COL25A1: variants seen among roughly 807,000 people sequenced by gnomAD.
COL25A1 encodes the protein collagen type XXV alpha 1 chain, also known as collagen alpha-1(XXV) chain.
In COL25A1, 103 loss-of-function variants were observed where a neutral mutation model predicts 128.4. The observed-to-expected ratio is 0.80, with a 90% confidence interval of 0.68 to 0.94. The LOEUF is 0.94. COL25A1 is among the 40% of genes least tolerant of loss of function. The probability of loss-of-function intolerance (pLI) is 0.00; values close to 1 mark genes in which losing one functional copy is unlikely to be tolerated. For missense variants in COL25A1, 745 were observed against 840.0 expected (o/e 0.89, Z 1.40); for synonymous variants, 279 against 277.2 (o/e 1.01, Z -0.06).
At chr4:109,041,412 G>T (rs1278385448) in intron 5 of COL25A1, among the ~76,000 whole-genome samples, 1 of 151,698 alleles carries the variant, frequency 6.6e-6, no homozygotes, top group Non-Finnish European at 1.5e-5. Context: ...TTCTGTTCTA[G>T]GTTTCTAGTG....
At chr4:109,135,024 C>CA (rs574984369) in intron 3 of COL25A1, among the ~76,000 whole-genome samples, 8,714 of 100,418 alleles carry the variant, frequency 0.087, 542 homozygotes, top group Admixed American at 0.23. Flanking sequence ...ACTTTTCTGT[C>CA]AAAAAAAAAA....
intron 6 of COL25A1, among the ~76,000 whole-genome samples, chr4:108,989,982 G>A (rs1754013308): frequency 6.6e-6 from 1 of 151,792 alleles, no homozygotes; most frequent in South Asian, 2.1e-4. Context: ...GGATGCCAAG[G>A]CAGGTGGATC....
intron 3 of COL25A1, among the ~76,000 whole-genome samples, chr4:109,235,384 G>A (rs1779405602): frequency 6.6e-6 from 1 of 152,096 alleles, no homozygotes; most frequent in Non-Finnish European, 1.5e-5. Context: ...ACTTGGATGT[G>A]CAGGGCTATG....
intron 3 of COL25A1, among the ~76,000 whole-genome samples, chr4:109,070,217 C>T (rs1328786711): frequency 1.3e-5 from 2 of 151,084 alleles, no homozygotes; most frequent in Non-Finnish European, 3.0e-5. Context: ...GAGATCATTC[C>T]AGCCTGGGAG....
chr4:108,980,695 C>T (rs990598330), intron 6 of COL25A1, among the ~76,000 whole-genome samples: 2 of 152,174 alleles, frequency 1.3e-5, no homozygotes, highest in Admixed American at 6.5e-5. Flanking sequence ...ATAGAGGAAA[C>T]CTTTATCACA....
intron 6 of COL25A1, among the ~76,000 whole-genome samples, chr4:108,988,523 GCA>G (rs1339633137): frequency 6.6e-6 from 1 of 152,162 alleles, no homozygotes; most frequent in East Asian, 1.9e-4. Context: ...TAAAAACTTT[GCA>G]CAGTCTCCTG....
At chr4:109,087,887 A>G (rs1764554262) in intron 3 of COL25A1, among the ~76,000 whole-genome samples, 1 of 152,026 alleles carries the variant, frequency 6.6e-6, no homozygotes, top group Admixed American at 6.6e-5. Context: ...TATTATTTAA[A>G]CCTCATTCTA....
intron 3 of COL25A1, among the ~76,000 whole-genome samples, chr4:109,186,396 A>G (rs900607876): frequency 8.5e-5 from 13 of 152,204 alleles, no homozygotes; most frequent in Non-Finnish European, 1.5e-4. Context: ...TAAACAAATT[A>G]GAAGAAAAAT....
intron 35 of COL25A1, among the ~76,000 whole-genome samples, chr4:108,820,134 G>T (rs1731634593): frequency 6.6e-6 from 1 of 152,168 alleles, no homozygotes; most frequent in African/African-American, 2.4e-5. Context: ...AGGCTTAAAA[G>T]CTGATACATC....
chr4:109,097,942 G>T (rs769411978), intron 3 of COL25A1, among the ~76,000 whole-genome samples: 2 of 151,952 alleles, frequency 1.3e-5, no homozygotes, highest in Non-Finnish European at 2.9e-5. Flanking sequence ...GATTACAGAC[G>T]TGAGCCACCG....
chr4:108,867,384 T>C (rs935250972), intron 20 of COL25A1, among the ~76,000 whole-genome samples: 1 of 152,248 alleles, frequency 6.6e-6, no homozygotes. Flanking sequence ...GGAATGCTCA[T>C]TATTTTCTTG....
At chr4:109,210,629 A>T (rs1375847336) in intron 3 of COL25A1, among the ~76,000 whole-genome samples, 1 of 152,112 alleles carries the variant, frequency 6.6e-6, no homozygotes, top group Non-Finnish European at 1.5e-5. Flanking sequence ...GACCTTTTTG[A>T]TAACTCTTAT....
intron 37 of COL25A1, 25 bp from the exon 38 acceptor site, chr4:108,813,954 C>CA: frequency 6.4e-7 from 1 of 1,572,978 alleles, no homozygotes; most frequent in Non-Finnish European, 8.7e-7. Context: ...AACAAAAAGA[C>CA]AAATACATGG....
In COL25A1 at chr4:108,808,773, T is replaced by C. The variant is rs189633769; in HGVS notation, c.*5154A>G. ...TTATAACAATACAATTCATTATCAT[T>C]GTTTGGATTAATATTGTAATAATTA... On this transcript the variant is annotated 3_prime_UTR_variant, in exon 38 of 38. Coordinates refer to ENST00000399132, the MANE Select transcript of COL25A1 (RefSeq NM_198721.4). 6.6e-6 allele frequency: 1 copy of C among 152,318 alleles called. No individual in the cohort carries two copies. The highest frequency in any genetic ancestry group is 1.9e-4 in the East Asian group (1 of 5,194). 9.4% of individuals were successfully genotyped at this position (152,318 alleles called of 1,614,324 possible).
chr4:109,021,826 G>A, intron 5 of COL25A1: 1 of 446,584 alleles, frequency 2.2e-6, no homozygotes, highest in Non-Finnish European at 4.5e-6. Context: ...ATGCGGTTGA[G>A]ATAAGGACTG....
intron 3 of COL25A1, among the ~76,000 whole-genome samples, chr4:109,138,265 C>T (rs374456757): frequency 3.3e-5 from 5 of 152,216 alleles, no homozygotes; most frequent in African/African-American, 1.2e-4. Flanking sequence ...TGTTAGTTTG[C>T]TGAGAATGAT....
chr4:109,091,418 C>G (rs1764892048), intron 3 of COL25A1, among the ~76,000 whole-genome samples: 1 of 152,214 alleles, frequency 6.6e-6, no homozygotes, highest in Admixed American at 6.5e-5. Flanking sequence ...ACCACGACAA[C>G]AATTGTCTAT....
intron 5 of COL25A1, among the ~76,000 whole-genome samples, chr4:109,018,201 C>T (rs967973854): frequency 6.6e-6 from 1 of 152,058 alleles, no homozygotes; most frequent in Non-Finnish European, 1.5e-5. Flanking sequence ...TCATGGAACC[C>T]TCTCCTGGCC....
At chr4:108,999,180 C>A (rs2126025582) in intron 6 of COL25A1, among the ~76,000 whole-genome samples, 1 of 87,360 alleles carries the variant, frequency 1.1e-5, no homozygotes, top group Admixed American at 1.3e-4. Flanking sequence ...GAACAGGTAA[C>A]CTAAAGAATG....
Sources: allele counts gnomAD v4.1 joint callset (sites outside exome capture counted in the v4.1 genomes callset), GRCh38; gene constraint gnomAD v4.1.1; transcripts MANE v1.5; gene names NCBI Gene and HGNC (gene_info 2026-07-23, HGNC 2026-07-21).